Variants in TMEM63A observed in about 807,000 individuals in gnomAD.
TMEM63A encodes mechanosensitive cation channel TMEM63A.
TMEM63A carries 76 observed loss-of-function variants against 100.6 expected under a neutral mutation model. The ratio of observed to expected loss-of-function variants is 0.76; its 90% CI spans 0.63 to 0.91. The LOEUF is 0.91. TMEM63A is among the 40% of genes least tolerant of loss of function. The pLI, the probability that TMEM63A is intolerant of heterozygous loss-of-function variation, is 0.00. For missense variants in TMEM63A, 876 were observed against 1,008.8 expected, an observed-to-expected ratio of 0.87 and a Z score of 1.78; for synonymous variants, 401 against 401.1, an observed-to-expected ratio of 1.00 and a Z score of 0.00.
downstream of TMEM63A, among the ~76,000 whole-genome samples, chr1:225,840,574 T>C (rs1668314743): frequency 6.6e-6 from 1 of 152,236 alleles, no homozygotes; most frequent in Non-Finnish European, 1.5e-5. Flanking sequence ...CTGAAATTAA[T>C]TTGCTAACAG....
intron 3 of TMEM63A, 44 bp downstream of exon 3, chr1:225,877,351 A>G: frequency 6.4e-7 from 1 of 1,570,276 alleles, no homozygotes; most frequent in Non-Finnish European, 8.7e-7. Context: ...GGGCATTTAA[A>G]CAAATAACTG....
In TMEM63A at chr1:225,853,616, C is replaced by G; in HGVS notation, c.1797+13G>C. ...GGAGTCAGAGGCACAGCCCTGGGCC[C>G]AGGGGATGGCACCTGCTTGACATTC... On this transcript the variant is annotated intron_variant, in intron 19 of 24. Transcript: ENST00000366835. The surrounding 1 kb of genome is among the most constrained non-coding windows in gnomAD (Gnocchi z 4.0). 4 of 1,549,112 alleles carry G rather than the reference C, an allele frequency of 2.6e-6. No individual in the cohort carries two copies. Among genetic ancestry groups the G allele is most frequent in the Non-Finnish European group, 3.5e-6 (4 of 1,145,226 alleles).
chr1:225,856,327 G>GTTTTTTTTTTTTT (rs71574544), intron 17 of TMEM63A, among the ~76,000 whole-genome samples: 1 of 108,052 alleles, frequency 9.3e-6, no homozygotes, highest in African/African-American at 3.6e-5. Context: ...TTTCAAGCTG[G>GTTTTTTTTTTTTT]TTTTTTTTTT....
chr1:225,866,854 T>TA, intron 8 of TMEM63A, 172 bp from the exon 9 acceptor site: 2 of 688,932 alleles, frequency 2.9e-6, no homozygotes, highest in Non-Finnish European at 5.0e-6. Flanking sequence ...CCACAGTGAA[T>TA]ACTTCAGAGG....
At chr1:225,845,124 C>T (rs1668841057), downstream of TMEM63A, 1 of 1,613,584 alleles carries the variant, frequency 6.2e-7, no homozygotes, top group African/African-American at 1.3e-5. Context: ...CCTCACCCCT[C>T]CGTCGGCTCT....
chr1:225,881,288 G>A (rs1451758658), intron 1 of TMEM63A, among the ~76,000 whole-genome samples: 3 of 152,212 alleles, frequency 2.0e-5, no homozygotes, highest in East Asian at 1.9e-4. Flanking sequence ...GGCTTCCTTC[G>A]CCAGGAAATG....
At position 225,862,629 on chromosome 1, in the gene TMEM63A, A is replaced by G. The variant is rs1164298205; in HGVS notation, c.828-51T>C. ...AACCTCAGATTTAGAATCCTGTGGC[A>G]GGGACCCCCATACCCACAGTTCAAC... is the stretch of plus-strand genomic sequence containing the variant. On this transcript the variant is annotated intron_variant, in intron 11 of 24. Coordinates refer to ENST00000366835, the MANE Select transcript of TMEM63A (RefSeq NM_014698.3). The surrounding 1 kb of genome is among the most constrained non-coding windows in gnomAD (Gnocchi z 5.1). The G allele has an allele frequency of 6.2e-7, 1 of 1,602,522 alleles. No homozygotes were observed. Among genetic ancestry groups the G allele is most frequent in the African/African-American group, 1.3e-5 (1 of 74,796 alleles).
Position 225,862,453 on chromosome 1 carries a change from A to T in TMEM63A, c.951+2T>A. 6.2e-7 allele frequency: 1 copy of T among 1,613,894 alleles called. No homozygotes were observed. Among genetic ancestry groups the T allele is most frequent in the East Asian group, 2.2e-5 (1 of 44,848 alleles). On this transcript the variant is annotated splice_donor_variant, in intron 12 of 24. Transcript: ENST00000366835. LOFTEE classifies it high-confidence loss of function. The surrounding 1 kb of genome is among the most constrained non-coding windows in gnomAD (Gnocchi z 5.1). ...CTCCCAGCCGGGGGGTGGGACCCTT[A>T]CCCACTCACAGCCCAGCACTTCACA...
At chr1:225,878,881 T>C (rs1398199166) in intron 2 of TMEM63A, among the ~76,000 whole-genome samples, 8 of 89,002 alleles carry the variant, frequency 9.0e-5, no homozygotes, top group African/African-American at 3.9e-4. Context: ...CCTACCTACC[T>C]ACCTACACAC....
In TMEM63A at chr1:225,850,060, G is replaced by A. The variant is rs1327467951; in HGVS notation, c.1923C>T (p.Leu641=). 1 of 1,614,190 alleles carries A rather than the reference G, an allele frequency of 6.2e-7. No homozygotes were observed. Among genetic ancestry groups the A allele is most frequent in the Admixed American group, 1.7e-5 (1 of 60,030 alleles). Residue 641 remains leucine (L), a synonymous_variant, in exon 21 of 25, where the codon CTC becomes CTT. Coordinates refer to ENST00000366835, the MANE Select transcript of TMEM63A (RefSeq NM_014698.3). ...GGTTGTGCCGGTCCACCATGTGCTT[G>A]AGCAGGATGTAGATGAGGCCTGCAG... The part of the protein sequence containing the change: ...IAPFGLIYIL[L]KHMVDRHNLY...
intron 14 of TMEM63A, chr1:225,860,053 G>A (rs1222847851): frequency 2.0e-5 from 3 of 153,234 alleles, no homozygotes; most frequent in African/African-American, 7.2e-5. Context: ...AGGGACAAAG[G>A]AGTGAAGGCA....
At chr1:225,863,410 G>C (rs557591676) in intron 10 of TMEM63A, among the ~76,000 whole-genome samples, 53 of 152,108 alleles carry the variant, frequency 3.5e-4, no homozygotes, top group Non-Finnish European at 4.7e-4. Context: ...ACTTGGCTTG[G>C]AATCAGCTGG....
downstream of TMEM63A, chr1:225,841,233 T>C (rs931482765): frequency 2.0e-4 from 31 of 152,222 alleles, no homozygotes; most frequent in African/African-American, 6.8e-4. Context: ...CTGGCTTCTT[T>C]TGCTCAATAT....
At chr1:225,845,307 A>T (rs774101356), downstream of TMEM63A, 6 of 1,612,198 alleles carry the variant, frequency 3.7e-6, no homozygotes, top group Non-Finnish European at 5.1e-6. Flanking sequence ...CTGCTCGCCC[A>T]GGACATCCGC....
intron 10 of TMEM63A, chr1:225,863,838 C>T (rs935737135): frequency 7.3e-6 from 1 of 136,768 alleles, no homozygotes; most frequent in African/African-American, 2.7e-5. Flanking sequence ...ATCACTTGAA[C>T]CTGGGAGGCA....
Position 225,872,946 on chromosome 1 carries a change from G to A in TMEM63A, c.267-893C>T, listed in dbSNP as rs1291870049. Among the ~76,000 whole-genome samples the A allele has an allele frequency of 5.9e-5, 9 of 152,024 alleles. No individual in the cohort carries two copies. In the South Asian group the frequency reaches 1.5e-3, roughly 25 times the overall value. On this transcript the variant is annotated intron_variant, in intron 4 of 24. Coordinates refer to ENST00000366835, the MANE Select transcript of TMEM63A (RefSeq NM_014698.3). ...TGACCTCATGATCCACCCCCGCCTC[G>A]GCCTCCCAAAGTGCTGGGATTATAG...
chr1:225,849,534 T>A (rs1669215547), intron 21 of TMEM63A, among the ~76,000 whole-genome samples: 2 of 152,214 alleles, frequency 1.3e-5, no homozygotes, highest in South Asian at 4.1e-4. Context: ...CCTGCACAGC[T>A]GATAAAGGCA....
rs1023969223 is a variant in TMEM63A at position 225,847,045 on chromosome 1, C to A, written c.2419G>T (p.Ala807Ser). 2.5e-6 allele frequency: 4 copies of A among 1,609,830 alleles called. No homozygotes were observed. The highest frequency in any genetic ancestry group is 2.7e-5 in the African/African-American group (2 of 74,900). The change falls in exon 24 of 25, where the codon GCC (alanine) becomes TCC (serine). Residue 807 changes from alanine (A) to serine (S), a missense_variant. Physicochemically the swap from Ala to Ser is moderately conservative, Grantham distance 99. This residue lies in a region of TMEM63A where 339 missense variants were observed against 342.3 expected (regional missense o/e 0.99). Transcript: ENST00000366835. Reference sequence around the variant, plus strand: ...AGCCAGCAGCTCACCCAGCCTCAGGCCTCCTGGGGGGCAGCAGCCACACTG... The same window carrying A: ...AGCCAGCAGCTCACCCAGCCTCAGGACTCCTGGGGGGCAGCAGCCACACTG... ...TGSVAAAPQE[A>S]
In TMEM63A at chr1:225,874,368, C is replaced by A; in HGVS notation, c.187-1G>T. Reference sequence around the variant, plus strand: ...TAATAGAAAACACCAAGATTAAGAACTAAAAACAGAAAAGAAACCAAGTAA... The same window carrying A: ...TAATAGAAAACACCAAGATTAAGAAATAAAAACAGAAAAGAAACCAAGTAA... On this transcript the variant is annotated splice_acceptor_variant, in intron 3 of 24. Transcript: ENST00000366835. LOFTEE classifies it high-confidence loss of function. The A allele has an allele frequency of 1.2e-6, 2 of 1,612,156 alleles. No homozygotes were observed. The highest frequency in any genetic ancestry group is 1.7e-4 in the Middle Eastern group (1 of 6,046).
Sources: allele counts gnomAD v4.1 joint callset (sites outside exome capture counted in the v4.1 genomes callset), GRCh38; gene constraint gnomAD v4.1.1; regional missense constraint gnomAD v4.1.1; non-coding constraint Gnocchi (gnomAD v3.1); transcripts MANE v1.5; gene names NCBI Gene and HGNC (gene_info 2026-07-23, HGNC 2026-07-21).